PTPRN2: variants seen among roughly 807,000 people sequenced by gnomAD.
PTPRN2 encodes receptor-type tyrosine-protein phosphatase N2.
Under a neutral mutation model 118.8 loss-of-function variants are expected in PTPRN2, and 74 were observed. That is an observed-to-expected ratio of 0.62 (90% confidence interval 0.52 to 0.76). The LOEUF is 0.76. Ranked by LOEUF, PTPRN2 falls within the 30% of genes least tolerant of loss-of-function variation. The pLI is 0.00. For missense variants in PTPRN2, 1,481 were observed against 1,394.4 expected, an observed-to-expected ratio of 1.06 and a Z score of -0.99; for synonymous variants, 641 against 608.0, an observed-to-expected ratio of 1.05 and a Z score of -0.80.
At chr7:158,414,316 G>A (rs1158698841) in intron 2 of PTPRN2, among the ~76,000 whole-genome samples, 1 of 152,176 alleles carries the variant, frequency 6.6e-6, no homozygotes, top group Admixed American at 6.5e-5. Flanking sequence ...AGTCACCTGT[G>A]AGAATTTAAA....
In PTPRN2 at chr7:157,903,973, G is replaced by T. The variant is rs753063084; in HGVS notation, c.1724-5236C>A. On this transcript the variant is annotated intron_variant, in intron 11 of 22. Coordinates refer to ENST00000389418, the MANE Select transcript of PTPRN2 (RefSeq NM_002847.5). The surrounding 1 kb of genome is among the most constrained non-coding windows in gnomAD (Gnocchi z 4.2). ...CTAATCCATGTGCCCTCGTGACAGC[G>T]GCTGTTTTGCTGCATGTCTCATGGC... Among the ~76,000 whole-genome samples the T allele has an allele frequency of 6.6e-6, 1 of 152,166 alleles. No individual in the cohort carries two copies. The highest frequency in any genetic ancestry group is 1.5e-5 in the Non-Finnish European group (1 of 68,034).
intron 12 of PTPRN2, among the ~76,000 whole-genome samples, chr7:157,875,294 T>C (rs1248026266): frequency 6.6e-6 from 1 of 152,178 alleles, no homozygotes; most frequent in African/African-American, 2.4e-5. Flanking sequence ...AAGAGAAAGC[T>C]GGGGAGTTTC....
intron 6 of PTPRN2, among the ~76,000 whole-genome samples, chr7:158,154,247 C>T (rs1185911721): frequency 6.6e-6 from 1 of 152,246 alleles, no homozygotes; most frequent in Non-Finnish European, 1.5e-5. Flanking sequence ...AACTCCACCC[C>T]ACCATTCACC....
At chr7:158,486,349 G>A (rs1440722461) in intron 2 of PTPRN2, among the ~76,000 whole-genome samples, 1 of 152,224 alleles carries the variant, frequency 6.6e-6, no homozygotes, top group African/African-American at 2.4e-5. Flanking sequence ...TTGTGGAGTA[G>A]TTGATTATTA....
At chr7:158,498,380 T>C (rs949451116) in intron 1 of PTPRN2, among the ~76,000 whole-genome samples, 3 of 152,222 alleles carry the variant, frequency 2.0e-5, no homozygotes, top group Non-Finnish European at 4.4e-5. Flanking sequence ...AGTAAGAAAT[T>C]GTACCAAATT....
chr7:157,684,365 G>A (rs1797059779), intron 12 of PTPRN2, among the ~76,000 whole-genome samples: 2 of 150,030 alleles, frequency 1.3e-5, no homozygotes, highest in South Asian at 2.1e-4. Flanking sequence ...GCTTTGGAGA[G>A]GGAGGGAAGG....
rs113571323 is a variant in PTPRN2 at position 158,196,382 on chromosome 7, G to A, written c.381-3887C>T. 2.0e-3 allele frequency among the ~76,000 whole-genome samples: 300 copies of A among 152,276 alleles called. 2 individuals carry two copies. The highest frequency in any genetic ancestry group is 6.4e-3 in the African/African-American group (266 of 41,548). ...GAGGCAGCTGGGGGCAAGTGTCATC[G>A]CCACACAGCTGCGTCCCCTCCCAAA... On this transcript the variant is annotated intron_variant, in intron 4 of 22. Coordinates refer to ENST00000389418, the MANE Select transcript of PTPRN2 (RefSeq NM_002847.5).
Position 157,838,964 on chromosome 7 carries a change from C to T in PTPRN2, c.1788+59709G>A, listed in dbSNP as rs141683680. On this transcript the variant is annotated intron_variant, in intron 12 of 22. Transcript: ENST00000389418. Reference sequence around the variant, plus strand: ...CCACTGTGGCTACTCCAGTTCCTCTCGTAGTGGATGGCATGGGAGAAAGCT... The same window carrying T: ...CCACTGTGGCTACTCCAGTTCCTCTTGTAGTGGATGGCATGGGAGAAAGCT... 8.8e-3 allele frequency among the ~76,000 whole-genome samples: 1,224 copies of T among 139,110 alleles called. 70 individuals are homozygous for T. The highest frequency in any genetic ancestry group is 0.035 in the African/African-American group (1,133 of 32,014). The allele number at this position is 139,110 out of a possible 152,430, so 91.3% of individuals were successfully genotyped here. A position where few individuals can be genotyped will look rare whatever the true frequency, so the allele number is the denominator to read the frequency against.
At position 158,313,068 on chromosome 7, in the gene PTPRN2, G is replaced by A. The variant is rs7805329; in HGVS notation, c.277+3751C>T. Among the ~76,000 whole-genome samples, 1,403 of 152,142 alleles carry A rather than the reference G, an allele frequency of 9.2e-3. 18 individuals are homozygous for A. Among genetic ancestry groups the A allele is most frequent in the African/African-American group, 0.03 (1,242 of 41,518 alleles). On this transcript the variant is annotated intron_variant, in intron 3 of 22. Coordinates refer to ENST00000389418, the MANE Select transcript of PTPRN2 (RefSeq NM_002847.5). Reference sequence around the variant, plus strand: ...TGAATGTGTGTGCAGGTTTGTCTGCGTGTGGGTATCTACATGTGAGCATGT... The same window carrying A: ...TGAATGTGTGTGCAGGTTTGTCTGCATGTGGGTATCTACATGTGAGCATGT...
intron 5 of PTPRN2, among the ~76,000 whole-genome samples, chr7:158,188,164 G>GAAGGCCGCCACGCTCGCCCCGCGATGGGA: frequency 6.7e-6 from 1 of 150,126 alleles, no homozygotes; most frequent in African/African-American, 2.5e-5. Flanking sequence ...CCTGTACTGG[G>GAAGGCCGCCACGCTCGCCCCGCGATGGGA]AAGGCCGCCA....
chr7:158,441,061 GGGTGGTAGTGATGGT>G (rs1310081324), intron 2 of PTPRN2, among the ~76,000 whole-genome samples: 1,467 of 51,964 alleles, frequency 0.028, 45 homozygotes, highest in African/African-American at 0.052. Context: ...GTAGTGATGG[GGGTGGTAGTGATGGT>G]GGTGCTGGTG....
At chr7:158,506,850 C>T (rs1327373732) in intron 1 of PTPRN2, among the ~76,000 whole-genome samples, 2 of 152,162 alleles carry the variant, frequency 1.3e-5, no homozygotes, top group Non-Finnish European at 2.9e-5. Context: ...TGGGCCAGCC[C>T]GATGGTTGCA....
intron 2 of PTPRN2, among the ~76,000 whole-genome samples, chr7:158,341,681 C>T (rs1372994953): frequency 1.6e-5 from 2 of 124,246 alleles, no homozygotes; most frequent in Non-Finnish European, 3.3e-5. Context: ...TAAGAGCTGT[C>T]GCCCGCAGAG....
At chr7:158,256,174 C>T (rs62479642) in intron 3 of PTPRN2, among the ~76,000 whole-genome samples, 108,332 of 152,090 alleles carry the variant, frequency 0.71, 38,953 homozygotes, top group African/African-American at 0.8. Flanking sequence ...GGAGTGTTGA[C>T]GACGATGCTT....
At chr7:158,068,247 C>T (rs947864718) in intron 11 of PTPRN2, among the ~76,000 whole-genome samples, 3 of 152,230 alleles carry the variant, frequency 2.0e-5, no homozygotes, top group Admixed American at 6.5e-5. Flanking sequence ...CATGAAACGA[C>T]GCAGGTGGCT....
intron 19 of PTPRN2, among the ~76,000 whole-genome samples, chr7:157,572,882 C>T (rs967198037): frequency 3.2e-4 from 49 of 152,340 alleles, no homozygotes; most frequent in African/African-American, 9.4e-4. Context: ...GCCGTGTCAC[C>T]GTTTCTGTTA....
In PTPRN2 at chr7:157,683,482, T is replaced by C. The variant is rs1256223863; in HGVS notation, c.1789-545A>G. 2.6e-5 allele frequency among the ~76,000 whole-genome samples: 4 copies of C among 152,140 alleles called. No individual in the cohort carries two copies. In the East Asian group the frequency reaches 7.7e-4, roughly 29 times the overall value. ...TCCCTCCCAGGTCAGGGGATTTGGA[T>C]CCACCTGTCTTGAAAGGCGAGCGCT... On this transcript the variant is annotated intron_variant, in intron 12 of 22. Transcript: ENST00000389418.
intron 6 of PTPRN2, among the ~76,000 whole-genome samples, chr7:158,153,616 C>A (rs916972537): frequency 3.9e-5 from 6 of 152,214 alleles, no homozygotes; most frequent in African/African-American, 1.4e-4. Context: ...CCCGTTTCAA[C>A]AGGACACGGA....
At chr7:157,965,339 C>A (rs1202833026) in intron 11 of PTPRN2, among the ~76,000 whole-genome samples, 2 of 152,120 alleles carry the variant, frequency 1.3e-5, no homozygotes, top group African/African-American at 4.8e-5. Flanking sequence ...TTCCTGATAG[C>A]ACATAAAGAG....
Sources: gnomAD v4.1 joint callset for allele counts (sites outside exome capture counted in the v4.1 genomes callset) on GRCh38, gnomAD v4.1.1 for gene constraint, Gnocchi (gnomAD v3.1) non-coding constraint, MANE v1.5 for transcripts, NCBI Gene and HGNC (gene_info 2026-07-23, HGNC 2026-07-21) for gene names.